The following OSBPL11 variants were observed in gnomAD, a reference collection of about 807,000 sequenced individuals.
OSBPL11 encodes the protein oxysterol-binding protein-related protein 11.
A neutral mutation model predicts 84.4 loss-of-function variants in OSBPL11; 33 were observed. That is an observed-to-expected ratio of 0.39 (90% CI 0.30 to 0.52). The LOEUF (loss-of-function observed/expected upper bound fraction) is 0.52. OSBPL11 is among the 20% of genes least tolerant of loss of function. The pLI is 0.72. For missense variants in OSBPL11, 736 were observed against 901.1 expected, an observed-to-expected ratio of 0.82 and a Z score of 2.35; for synonymous variants, 276 against 310.2, an observed-to-expected ratio of 0.89 and a Z score of 1.16.
rs994895528 is a variant in OSBPL11, at chr3:125,559,310, T to C, written c.1155+1069A>G. 4.6e-5 allele frequency among the ~76,000 whole-genome samples: 7 copies of C among 152,330 alleles called. No individual in the cohort carries two copies. The South Asian group carries it at 1.4e-3, about 32-fold the overall frequency. On this transcript the variant is annotated intron_variant, in intron 8 of 12. Transcript: ENST00000296220. ...TACATTTTCCAGTATAGTATACCAATGGACTCTTTAATTTTGTTCTGAAAC... is the reference window on the plus strand; with the variant it reads ...TACATTTTCCAGTATAGTATACCAACGGACTCTTTAATTTTGTTCTGAAAC...
intron 5 of OSBPL11, among the ~76,000 whole-genome samples, chr3:125,572,349 T>G (rs144155978): frequency 6.6e-6 from 1 of 152,274 alleles, no homozygotes; most frequent in East Asian, 1.9e-4. Context: ...GACTTCTGAG[T>G]TAATGCTAAA....
intron 11 of OSBPL11, among the ~76,000 whole-genome samples, chr3:125,532,587 A>AC (rs1559832822): frequency 1.3e-5 from 2 of 150,488 alleles, no homozygotes; most frequent in African/African-American, 4.9e-5. Context: ...CAAAAAAAAA[A>AC]AAAAACAAAA....
At chr3:125,550,200 T>C (rs1464541914) in intron 9 of OSBPL11, among the ~76,000 whole-genome samples, 6 of 151,666 alleles carry the variant, frequency 4.0e-5, no homozygotes, top group Admixed American at 3.9e-4. Flanking sequence ...ATGGCAAAAA[T>C]CTCATCTTTA....
chr3:125,555,110 C>T (rs557799197), intron 8 of OSBPL11, among the ~76,000 whole-genome samples: 25 of 152,162 alleles, frequency 1.6e-4, no homozygotes, highest in Non-Finnish European at 3.7e-4. Flanking sequence ...AGGATAAAAG[C>T]TAGCAGGGGA....
chr3:125,588,899 T>C (rs1936553750), intron 1 of OSBPL11, among the ~76,000 whole-genome samples: 1 of 152,138 alleles, frequency 6.6e-6, no homozygotes. Context: ...ATACTCAAAA[T>C]CGCAAACAAA....
At chr3:125,540,044 G>A (rs1030992279) in intron 10 of OSBPL11, among the ~76,000 whole-genome samples, 1 of 152,104 alleles carries the variant, frequency 6.6e-6, no homozygotes, top group Non-Finnish European at 1.5e-5. Flanking sequence ...AGTGGTCTGC[G>A]AACTCAGCTC....
chr3:125,584,958 G>C (rs1936483925), intron 1 of OSBPL11, among the ~76,000 whole-genome samples: 1 of 151,954 alleles, frequency 6.6e-6, no homozygotes, highest in African/African-American at 2.4e-5. Flanking sequence ...AATTATTTTT[G>C]TGGGGATGGG....
chr3:125,559,374 C>T (rs539196751), intron 8 of OSBPL11, among the ~76,000 whole-genome samples: 1 of 152,106 alleles, frequency 6.6e-6, no homozygotes, highest in South Asian at 2.1e-4. Context: ...CAACTTCCTG[C>T]TGCACAAGAA....
At position 125,544,784 on chromosome 3, in the gene OSBPL11, GA is replaced by G. The variant is rs1007202522; in HGVS notation, c.1841+2621del. ...ATGCAATTAAAATTTTATTTTCAAA[GA>G]AAAAAAAGGTTTCTTGACCAAATCT... On this transcript the variant is annotated intron_variant, in intron 10 of 12. Coordinates refer to ENST00000296220, the MANE Select transcript of OSBPL11 (RefSeq NM_022776.5). Among the ~76,000 whole-genome samples, 277 of 151,470 alleles carry G rather than the reference GA, an allele frequency of 1.8e-3. 1 individual carries two copies. Among genetic ancestry groups the G allele is most frequent in the Admixed American group, 3.3e-3 (50 of 15,228 alleles).
intron 9 of OSBPL11, among the ~76,000 whole-genome samples, chr3:125,550,425 A>AAAGAGAGAG (rs1553733059): frequency 4.7e-5 from 7 of 149,716 alleles, no homozygotes; most frequent in Admixed American, 6.6e-5. Context: ...AAAAAAAAAA[A>AAAGAGAGAG]AGAGAGTACT....
chr3:125,538,344 G>T, intron 11 of OSBPL11, 107 bp downstream of exon 11: 3 of 989,500 alleles, frequency 3.0e-6, no homozygotes, highest in Non-Finnish European at 4.5e-6. Context: ...TTACAAAGCT[G>T]ATGCAACCTG....
At chr3:125,591,149 AT>A (rs1936589620) in intron 1 of OSBPL11, among the ~76,000 whole-genome samples, 1 of 152,240 alleles carries the variant, frequency 6.6e-6, no homozygotes, top group South Asian at 2.1e-4. Context: ...ACACTTAAAC[AT>A]TCTGGCAACT....
intron 4 of OSBPL11, among the ~76,000 whole-genome samples, chr3:125,577,154 C>T (rs1936338464): frequency 6.6e-6 from 1 of 151,872 alleles, no homozygotes; most frequent in African/African-American, 2.4e-5. Flanking sequence ...AGGTTTTAGG[C>T]CGAAATTACA....
At position 125,538,717 on chromosome 3, in the gene OSBPL11, T is replaced by C. The variant is rs1935679317; in HGVS notation, c.1842-84A>G. On this transcript the variant is annotated intron_variant, in intron 10 of 12. Transcript: ENST00000296220. ...AGATCTGAAACCCAAGAACACAGCCTGTGAATCCTGTTGAAATTAGTTATA... is the reference window on the plus strand; with the variant it reads ...AGATCTGAAACCCAAGAACACAGCCCGTGAATCCTGTTGAAATTAGTTATA... The C allele has an allele frequency of 8.8e-6, 11 of 1,246,748 alleles. No individual in the cohort carries two copies. The South Asian group carries it at 1.7e-4, about 20-fold the overall frequency. The allele number at this position is 1,246,748 out of a possible 1,614,324, so 77.2% of individuals were successfully genotyped here.
intron 10 of OSBPL11, among the ~76,000 whole-genome samples, chr3:125,545,434 A>G (rs1935796243): frequency 1.3e-5 from 2 of 152,238 alleles, no homozygotes; most frequent in Admixed American, 6.5e-5. Flanking sequence ...TCTTTATGGT[A>G]TTATGACAGA....
At chr3:125,572,853 A>T (rs1195141159) in intron 5 of OSBPL11, among the ~76,000 whole-genome samples, 1 of 145,682 alleles carries the variant, frequency 6.9e-6, no homozygotes, top group Admixed American at 6.9e-5. Flanking sequence ...TTATTTATAT[A>T]TATTTATATA....
chr3:125,572,347 A>G (rs1936255258), intron 5 of OSBPL11, among the ~76,000 whole-genome samples: 2 of 152,116 alleles, frequency 1.3e-5, no homozygotes, highest in Admixed American at 1.3e-4. Flanking sequence ...TGGACTTCTG[A>G]GTTAATGCTA....
intron 10 of OSBPL11, among the ~76,000 whole-genome samples, chr3:125,543,486 A>G (rs1269805229): frequency 1.3e-5 from 2 of 152,214 alleles, no homozygotes; most frequent in Non-Finnish European, 2.9e-5. Context: ...TGTTTTAAGT[A>G]AATTTTTAAA....
At chr3:125,584,896 C>G (rs1936483317) in intron 1 of OSBPL11, among the ~76,000 whole-genome samples, 1 of 152,138 alleles carries the variant, frequency 6.6e-6, no homozygotes, top group Non-Finnish European at 1.5e-5. Flanking sequence ...CCTACCTCAG[C>G]ATCTGAGTAG....
Sources: allele counts gnomAD v4.1 joint callset (sites outside exome capture counted in the v4.1 genomes callset), GRCh38; gene constraint gnomAD v4.1.1; transcripts MANE v1.5; gene names NCBI Gene and HGNC (gene_info 2026-07-23, HGNC 2026-07-21).